DNMT3B: variants seen among roughly 807,000 people sequenced by gnomAD.
DNMT3B encodes the protein DNA (cytosine-5)-methyltransferase 3B.
A neutral mutation model predicts 120.2 loss-of-function variants in DNMT3B; 37 were observed. That is an observed-to-expected ratio of 0.31 (90% CI 0.24 to 0.40). DNMT3B has a LOEUF of 0.40. Ranked by LOEUF, DNMT3B falls within the 10% of genes least tolerant of loss-of-function variation. DNMT3B has a pLI of 1.00. For synonymous variants in DNMT3B, 412 were observed against 442.8 expected (o/e 0.93, Z 0.87); for missense variants, 878 against 1,137.3 (o/e 0.77, Z 3.28).
chr20:32,779,947 A>C (rs1472364908), intron 1 of DNMT3B: 1 of 829,814 alleles, frequency 1.2e-6, no homozygotes, highest in East Asian at 2.7e-5. Flanking sequence ...GGCCAGGGCC[A>C]GAGGGGACAG....
At chr20:32,807,208 C>A (rs1049670505) in intron 22 of DNMT3B, among the ~76,000 whole-genome samples, 1 of 152,176 alleles carries the variant, frequency 6.6e-6, no homozygotes, top group Non-Finnish European at 1.5e-5. Context: ...GATTGTATAC[C>A]TGAGTAACAC....
chr20:32,793,282 C>T (rs565516122), intron 9 of DNMT3B, among the ~76,000 whole-genome samples: 3 of 152,146 alleles, frequency 2.0e-5, no homozygotes, highest in Admixed American at 6.5e-5. Context: ...TCACTTGAGG[C>T]GATCACCTGG....
intron 7 of DNMT3B, 59 bp downstream of exon 7, chr20:32,789,071 C>T (rs1568842623): frequency 5.6e-6 from 9 of 1,603,774 alleles, no homozygotes; most frequent in Non-Finnish European, 7.7e-6. Context: ...GCCTGCCTCC[C>T]TTTGAAGACA....
chr20:32,779,978 G>C, intron 1 of DNMT3B: 2 of 1,165,256 alleles, frequency 1.7e-6, no homozygotes, highest in Non-Finnish European at 2.5e-6. Flanking sequence ...CAGACGGGCC[G>C]GGACAGGCAG....
chr20:32,767,891 A>G (rs1601043136), intron 1 of DNMT3B, among the ~76,000 whole-genome samples: 1 of 152,184 alleles, frequency 6.6e-6, no homozygotes, highest in African/African-American at 2.4e-5. Flanking sequence ...TTCCAGCAGC[A>G]TTTATGTCCT....
At chr20:32,770,548 C>T (rs943996448) in intron 1 of DNMT3B, among the ~76,000 whole-genome samples, 1 of 151,990 alleles carries the variant, frequency 6.6e-6, no homozygotes, top group Non-Finnish European at 1.5e-5. Context: ...CTCAGGTGAG[C>T]CGCCCACCTT....
intron 20 of DNMT3B, among the ~76,000 whole-genome samples, chr20:32,804,515 A>G (rs1243588955): frequency 1.3e-5 from 2 of 152,106 alleles, no homozygotes; most frequent in Non-Finnish European, 2.9e-5. Context: ...TGACGTTCCT[A>G]ACACAGGTTA....
At chr20:32,786,477 A>G in intron 4 of DNMT3B, 25 bp from the exon 5 acceptor site, 1 of 1,613,916 alleles carries the variant, frequency 6.2e-7, no homozygotes, top group South Asian at 1.1e-5. Flanking sequence ...CCTAAGGCCC[A>G]GTGAGTGTCC....
intron 1 of DNMT3B, among the ~76,000 whole-genome samples, chr20:32,776,159 G>T (rs1988060909): frequency 6.6e-6 from 1 of 152,050 alleles, no homozygotes; most frequent in African/African-American, 2.4e-5. Context: ...AACCCGGGAG[G>T]TGGAGGTTGC....
rs772010084 is a variant in DNMT3B, at chr20:32,787,445, G to A, written c.648G>A (p.Glu216=). Residue 216 remains glutamate, a synonymous_variant, in exon 6 of 23, where the codon GAG becomes GAA. Transcript: ENST00000328111. ...EADSGDGDSS[E]YQDGKEFGIG... is the part of the protein sequence containing the mutation. ...ACAGTGGAGATGGAGACAGTTCAGA[G>A]TATCAGGTATGGCCGAGAGGGGCTC... 13 of 1,613,656 alleles carry A rather than the reference G, an allele frequency of 8.1e-6. No individual in the cohort carries two copies. Among genetic ancestry groups the A allele is most frequent in the African/African-American group, 1.3e-5 (1 of 74,938 alleles).
intron 4 of DNMT3B, 45 bp from the exon 5 acceptor site, chr20:32,786,457 C>T (rs951664023): frequency 5.6e-6 from 9 of 1,613,440 alleles, no homozygotes; most frequent in Non-Finnish European, 6.8e-6. Flanking sequence ...AGACCCCAGG[C>T]CTCCAGTCAC....
chr20:32,788,975 G>A lies in DNMT3B; in HGVS notation c.776G>A (p.Arg259Gln), dbSNP rs772383693. 25 of 1,614,072 alleles carry A rather than the reference G, an allele frequency of 1.5e-5. No homozygotes were observed. The highest frequency in any genetic ancestry group is 2.7e-5 in the African/African-American group (2 of 74,928). The part of the protein sequence containing the change: ...TSKRQAMSGM[R>Q]WVQWFGDGKF... ...AAGCGACAGGCTATGTCTGGCATGC[G>A]GTGGGTCCAGTGGTTTGGCGATGGC... Residue 259 changes from arginine (R) to glutamine (Q), a missense_variant, in exon 7 of 23, where the codon CGG becomes CAG. By Grantham distance (43) the Arg-to-Gln change is conservative. This residue lies in a region of DNMT3B where 50 missense variants were observed against 89.7 expected (regional missense o/e 0.56). Coordinates refer to ENST00000328111, the MANE Select transcript of DNMT3B (RefSeq NM_006892.4).
chr20:32,800,424 G>A lies in DNMT3B; in HGVS notation c.1905+126G>A. ...AGAAAAAAGGATTGAAATCCTGTGG[G>A]AATCTTAAGCATTAGGTTAGGGTCA... is the stretch of plus-strand genomic sequence containing the variant. On this transcript the variant is annotated intron_variant, in intron 17 of 22. Coordinates refer to ENST00000328111, the MANE Select transcript of DNMT3B (RefSeq NM_006892.4). 2.8e-6 allele frequency: 4 copies of A among 1,409,892 alleles called. No individual in the cohort carries two copies. In the South Asian group the frequency reaches 4.9e-5, roughly 17 times the overall value. 87.3% of individuals were successfully genotyped at this position (1,409,892 alleles called of 1,614,324 possible). A position where few individuals can be genotyped will look rare whatever the true frequency, so the allele number is the denominator to read the frequency against.
At chr20:32,807,276 T>G (rs1449454507) in intron 22 of DNMT3B, among the ~76,000 whole-genome samples, 1 of 152,088 alleles carries the variant, frequency 6.6e-6, no homozygotes, top group East Asian at 1.9e-4. Flanking sequence ...AGAGGAAGCT[T>G]TTGGTATATT....
In DNMT3B at chr20:32,787,402, C is replaced by T. The variant is rs370244951; in HGVS notation, c.605C>T (p.Ser202Phe). The change falls in exon 6 of 23, where the codon TCC becomes TTC. Residue 202 changes from serine (S) to phenylalanine (F), a missense_variant. This residue lies in a region of DNMT3B where 287 missense variants were observed against 306.2 expected (regional missense o/e 0.94). Coordinates refer to ENST00000328111, the MANE Select transcript of DNMT3B (RefSeq NM_006892.4). ...AQDSQQGGME[S>F]PQVEADSGDG... ...GACAGCCAGCAGGGGGGCATGGAGT[C>T]CCCGCAGGTGGAGGCAGACAGTGGA... The T allele has an allele frequency of 6.2e-7, 1 of 1,614,202 alleles. No individual in the cohort carries two copies. The highest frequency in any genetic ancestry group is 1.7e-5 in the Admixed American group (1 of 60,026).
chr20:32,785,710 G>T (rs558449413), intron 4 of DNMT3B, among the ~76,000 whole-genome samples: 1 of 152,288 alleles, frequency 6.6e-6, no homozygotes, highest in East Asian at 1.9e-4. Flanking sequence ...TTTGGACACA[G>T]GTTCTGCAAC....
chr20:32,788,994 C>G lies in DNMT3B; in HGVS notation c.795C>G (p.Gly265=), dbSNP rs759527333. ...MSGMRWVQWF[G]DGKFSEVSAD... Reference sequence around the variant, plus strand: ...GCATGCGGTGGGTCCAGTGGTTTGGCGATGGCAAGTTCTCCGAGGTGAGTC... The same window carrying G: ...GCATGCGGTGGGTCCAGTGGTTTGGGGATGGCAAGTTCTCCGAGGTGAGTC... Residue 265 remains glycine (G), a synonymous_variant, in exon 7 of 23, where the codon GGC becomes GGG. Coordinates refer to ENST00000328111, the MANE Select transcript of DNMT3B (RefSeq NM_006892.4). 6.2e-7 allele frequency: 1 copy of G among 1,614,130 alleles called. No individual in the cohort carries two copies. Among genetic ancestry groups the G allele is most frequent in the South Asian group, 1.1e-5 (1 of 91,080 alleles).
chr20:32,802,543 C>T (rs1981482481), intron 20 of DNMT3B, 73 bp downstream of exon 20: 1 of 1,480,034 alleles, frequency 6.8e-7, no homozygotes, highest in African/African-American at 1.4e-5. Context: ...ACATTCAAGC[C>T]TTCCTAGAAA....
At chr20:32,763,081 C>A (rs997857385) in intron 1 of DNMT3B, among the ~76,000 whole-genome samples, 1 of 152,138 alleles carries the variant, frequency 6.6e-6, no homozygotes, top group Non-Finnish European at 1.5e-5. Flanking sequence ...AGAGCATGAA[C>A]AGGGGCTTTG....
Sources: allele counts gnomAD v4.1 joint callset (sites outside exome capture counted in the v4.1 genomes callset), GRCh38; gene constraint gnomAD v4.1.1; regional missense constraint gnomAD v4.1.1; transcripts MANE v1.5; gene names NCBI Gene and HGNC (gene_info 2026-07-23, HGNC 2026-07-21).